The following ARIH2 variants were observed in gnomAD, a reference collection of about 807,000 sequenced individuals.
ARIH2 encodes the protein E3 ubiquitin-protein ligase ARIH2.
A neutral mutation model predicts 79.8 loss-of-function variants in ARIH2; 12 were observed. That is an observed-to-expected ratio of 0.15 (90% CI 0.10 to 0.24). The LOEUF (loss-of-function observed/expected upper bound fraction) is 0.24, where lower values mean the gene tolerates loss of function less well. Among genes scored for constraint, ARIH2 ranks in the 10% least tolerant of loss-of-function variants. The pLI is 1.00. For synonymous variants in ARIH2, 224 were observed against 213.9 expected, an observed-to-expected ratio of 1.05 and a Z score of -0.41; for missense variants, 301 against 618.3, an observed-to-expected ratio of 0.49 and a Z score of 5.44.
At chr3:48,966,997 A>C in intron 5 of ARIH2, 128 bp from the exon 6 acceptor site, 1 of 991,674 alleles carries the variant, frequency 1.0e-6, no homozygotes, top group Non-Finnish European at 1.5e-6. Flanking sequence ...GAGTCCACAC[A>C]TTGCAGTTGA....
chr3:48,962,004 C>T (rs186397452), intron 4 of ARIH2, among the ~76,000 whole-genome samples: 2 of 152,256 alleles, frequency 1.3e-5, no homozygotes, highest in East Asian at 1.9e-4. Flanking sequence ...CTAGGTAACA[C>T]GCGCCAACAT....
intron 3 of ARIH2, among the ~76,000 whole-genome samples, chr3:48,956,895 C>T (rs570227110): frequency 2.0e-4 from 30 of 152,032 alleles, no homozygotes; most frequent in African/African-American, 6.8e-4. Flanking sequence ...TTATTAGAGA[C>T]GGGGTTTCAC....
At chr3:48,934,357 G>T in intron 3 of ARIH2, 6 of 920,312 alleles carry the variant, frequency 6.5e-6, no homozygotes, top group Non-Finnish European at 7.8e-6. Flanking sequence ...CTTTTATTCT[G>T]ATATAGCTGA....
At chr3:48,933,235 G>GGTGTGTGT (rs57911300) in intron 3 of ARIH2, among the ~76,000 whole-genome samples, 7 of 134,314 alleles carry the variant, frequency 5.2e-5, no homozygotes, top group Non-Finnish European at 8.0e-5. Context: ...CACATGCCCG[G>GGTGTGTGT]GTGTGTGTGT....
chr3:48,946,159 G>GA (rs2089112260), intron 3 of ARIH2, among the ~76,000 whole-genome samples: 1 of 152,046 alleles, frequency 6.6e-6, no homozygotes, highest in South Asian at 2.1e-4. Context: ...ATCTCTGTGA[G>GA]AAAATCTTAG....
At chr3:48,956,179 C>T (rs1365866331) in intron 3 of ARIH2, among the ~76,000 whole-genome samples, 2 of 151,686 alleles carry the variant, frequency 1.3e-5, no homozygotes, top group African/African-American at 4.8e-5. Flanking sequence ...CACTCTGTCA[C>T]CGAGGCTGGA....
chr3:48,974,996 G>A lies in ARIH2; in HGVS notation c.961+17G>A. On this transcript the variant is annotated intron_variant, in intron 11 of 15. Coordinates refer to ENST00000356401, the MANE Select transcript of ARIH2 (RefSeq NM_006321.4). ...GTAAACACGGTGAGTTCCAAGCTTG[G>A]TGTGTAAGGCCCAGTGGCACTTTCT... 1.2e-6 allele frequency: 2 copies of A among 1,614,198 alleles called. No homozygotes were observed. The highest frequency in any genetic ancestry group is 1.7e-6 in the Non-Finnish European group (2 of 1,180,046).
chr3:48,956,815 C>T (rs1023428234), intron 3 of ARIH2, among the ~76,000 whole-genome samples: 1 of 152,032 alleles, frequency 6.6e-6, no homozygotes, highest in African/African-American at 2.4e-5. Flanking sequence ...TCTCCTGCCT[C>T]AGCCTCCTGA....
chr3:48,960,151 G>C (rs1253559675), intron 3 of ARIH2, among the ~76,000 whole-genome samples: 1 of 152,182 alleles, frequency 6.6e-6, no homozygotes, highest in African/African-American at 2.4e-5. Flanking sequence ...TGGGAAGCCT[G>C]ATCTAAGGCT....
chr3:48,966,997 A>G (rs932839200), intron 5 of ARIH2, 128 bp from the exon 6 acceptor site: 15 of 991,674 alleles, frequency 1.5e-5, no homozygotes, highest in East Asian at 1.2e-4. Context: ...GAGTCCACAC[A>G]TTGCAGTTGA....
At chr3:48,939,649 TC>T (rs2087740360) in intron 3 of ARIH2, among the ~76,000 whole-genome samples, 1 of 148,590 alleles carries the variant, frequency 6.7e-6, no homozygotes, top group Non-Finnish European at 1.5e-5. Flanking sequence ...TCCCAGCTAC[TC>T]GGGAGGCTGA....
chr3:48,938,518 G>A (rs1559746108), intron 3 of ARIH2, among the ~76,000 whole-genome samples: 1 of 152,116 alleles, frequency 6.6e-6, no homozygotes. Flanking sequence ...AACTTTATAT[G>A]TCAGTCATAT....
At chr3:48,953,223 C>T (rs1457177645) in intron 3 of ARIH2, among the ~76,000 whole-genome samples, 1 of 152,064 alleles carries the variant, frequency 6.6e-6, no homozygotes, top group East Asian at 1.9e-4. Context: ...AGCCACCGCG[C>T]CTGGCCAGCA....
intron 1 of ARIH2, among the ~76,000 whole-genome samples, chr3:48,919,943 C>T (rs535100963): frequency 6.6e-6 from 1 of 151,872 alleles, no homozygotes; most frequent in African/African-American, 2.4e-5. Flanking sequence ...TTGTTAGGTC[C>T]CCTGAACATG....
rs1559796131 is a variant in ARIH2 at position 48,956,669 on chromosome 3, CG to C, written c.256-4942del. ...GCTGCTGGGAGATGCATACAGCTGA[CG>C]TGTGTGTGTGTGTGTGTGTGTGTGT... On this transcript the variant is annotated intron_variant, in intron 3 of 15. Coordinates refer to ENST00000356401, the MANE Select transcript of ARIH2 (RefSeq NM_006321.4). Among the ~76,000 whole-genome samples the C allele has an allele frequency of 4.3e-4, 63 of 147,788 alleles. 1 individual carries two copies. The East Asian group carries it at 0.01, about 24-fold the overall frequency.
At chr3:48,969,898 T>G (rs1413767839) in intron 7 of ARIH2, among the ~76,000 whole-genome samples, 2 of 151,464 alleles carry the variant, frequency 1.3e-5, no homozygotes, top group Admixed American at 6.6e-5. Flanking sequence ...ATATGTTTTT[T>G]TTTTTTTTTT....
chr3:48,966,435 G>A (rs543104181), intron 5 of ARIH2, among the ~76,000 whole-genome samples: 1 of 152,290 alleles, frequency 6.6e-6, no homozygotes, highest in South Asian at 2.1e-4. Context: ...TGTGTAGCAT[G>A]ATGTGGATTC....
At chr3:48,971,024 G>A (rs2092198276) in intron 8 of ARIH2, among the ~76,000 whole-genome samples, 1 of 152,218 alleles carries the variant, frequency 6.6e-6, no homozygotes, top group African/African-American at 2.4e-5. Flanking sequence ...GTGTTTGAAA[G>A]ATATAAACTT....
At position 48,964,905 on chromosome 3, in the gene ARIH2, T is replaced by G. The variant is rs2091623062; in HGVS notation, c.324-14T>G. On this transcript the variant is annotated splice_polypyrimidine_tract_variant and intron_variant, in intron 4 of 15. Transcript: ENST00000356401. ...AGCTTCTGATTGCCTTCATTTCTGC[T>G]TTTTGTTTTGTAGATACAAGTCCAA... 3 of 1,611,764 alleles carry G rather than the reference T, an allele frequency of 1.9e-6. No individual in the cohort carries two copies. In the East Asian group the frequency reaches 6.7e-5, roughly 36 times the overall value.
Sources: gnomAD v4.1 joint callset for allele counts (sites outside exome capture counted in the v4.1 genomes callset) on GRCh38, gnomAD v4.1.1 for gene constraint, MANE v1.5 for transcripts, NCBI Gene and HGNC (gene_info 2026-07-23, HGNC 2026-07-21) for gene names.